Variants in PDXDC1 observed in about 807,000 individuals in gnomAD.
PDXDC1 encodes pyridoxal dependent decarboxylase domain containing 1, also known as pyridoxal-dependent decarboxylase domain-containing protein 1.
A neutral mutation model predicts 100.1 loss-of-function variants in PDXDC1; 42 were observed. The ratio of observed to expected loss-of-function variants is 0.42; its 90% CI spans 0.33 to 0.54. PDXDC1 has a LOEUF of 0.54. Among genes scored for constraint, PDXDC1 ranks in the 20% least tolerant of loss-of-function variants. The probability of loss-of-function intolerance (pLI) is 0.10; values close to 1 mark genes in which losing one functional copy is unlikely to be tolerated. For synonymous variants in PDXDC1, 260 were observed against 371.7 expected (o/e 0.70, Z 3.46); for missense variants, 636 against 979.2 (o/e 0.65, Z 4.68).
At chr16:15,030,531 G>A (rs1209384118) in intron 16 of PDXDC1, among the ~76,000 whole-genome samples, 1 of 114,488 alleles carries the variant, frequency 8.7e-6, no homozygotes, top group East Asian at 2.8e-4. Flanking sequence ...GGGGGACAGA[G>A]GAGACTCCAT....
rs62039540 is a variant in PDXDC1 at position 15,124,344 on chromosome 16, C to G, written c.1400-14535C>G. On this transcript the variant is annotated intron_variant, in intron 16 of 16. Coordinates refer to the PDXDC1 transcript ENST00000535621. ...CTCTCAGGCCTCTGGCAGCTGAAAA[C>G]CACTGCTTTAAATCCCTTTACCATT... 5.2e-3 allele frequency among the ~76,000 whole-genome samples: 799 copies of G among 152,316 alleles called. 3 individuals carry two copies. The highest frequency in any genetic ancestry group is 0.012 in the South Asian group (56 of 4,832).
intron 16 of PDXDC1, among the ~76,000 whole-genome samples, chr16:15,056,487 C>A (rs868750406): frequency 2.0e-4 from 31 of 152,210 alleles, no homozygotes; most frequent in African/African-American, 7.0e-4. Flanking sequence ...TAATAATAAA[C>A]CTAATCAGGC....
intron 14 of PDXDC1, 69 bp from the exon 15 acceptor site, chr16:15,028,809 G>A: frequency 1.0e-5 from 15 of 1,464,470 alleles, no homozygotes; most frequent in Non-Finnish European, 1.4e-5. Context: ...ATGATGTGGG[G>A]TTTGGAGGGT....
intron 16 of PDXDC1, among the ~76,000 whole-genome samples, chr16:15,093,565 T>C (rs1440125780): frequency 1.3e-5 from 2 of 152,168 alleles, no homozygotes; most frequent in Non-Finnish European, 2.9e-5. Flanking sequence ...ATAATTATTA[T>C]GAATCATATT....
chr16:15,132,875 TG>T (rs2048173815), intron 16 of PDXDC1: 1 of 1,591,194 alleles, frequency 6.3e-7, no homozygotes, highest in East Asian at 2.2e-5. Flanking sequence ...CCGCTCGTAC[TG>T]GGGCAGGCAG....
intron 12 of PDXDC1, among the ~76,000 whole-genome samples, chr16:15,021,432 C>T (rs2042198109): frequency 6.6e-6 from 1 of 152,262 alleles, no homozygotes; most frequent in Non-Finnish European, 1.5e-5. Flanking sequence ...TTTACAAAAG[C>T]ACTGCATTTT....
chr16:15,127,880 G>C, intron 16 of PDXDC1: 3 of 1,552,800 alleles, frequency 1.9e-6, no homozygotes, highest in African/African-American at 1.4e-5. Flanking sequence ...CGCCGGAAGC[G>C]CAACAGGGCT....
At chr16:15,009,851 T>C in intron 8 of PDXDC1, 92 bp downstream of exon 8, 1 of 1,604,776 alleles carries the variant, frequency 6.2e-7, no homozygotes, top group African/African-American at 1.3e-5. Context: ...AAGAAATGTG[T>C]GTGTACCACA....
downstream of PDXDC1, among the ~76,000 whole-genome samples, chr16:15,140,947 C>G (rs1485472757): frequency 6.6e-6 from 1 of 152,146 alleles, no homozygotes; most frequent in East Asian, 1.9e-4. Context: ...AGTGACCCAG[C>G]AGGTGCCTCT....
chr16:15,094,651 C>G (rs369892621), intron 16 of PDXDC1: 1 of 254,966 alleles, frequency 3.9e-6, no homozygotes, highest in East Asian at 1.5e-4. Flanking sequence ...GATTCGAACC[C>G]GGCTGACCCA....
intron 16 of PDXDC1, among the ~76,000 whole-genome samples, chr16:15,109,368 C>G (rs960763117): frequency 2.1e-5 from 3 of 144,812 alleles, no homozygotes; most frequent in African/African-American, 5.0e-5. Flanking sequence ...ACTAAAAATA[C>G]AAAAATTGGG....
At chr16:15,073,013 C>T in intron 16 of PDXDC1, 1 of 1,613,362 alleles carries the variant, frequency 6.2e-7, no homozygotes, top group South Asian at 1.1e-5. Flanking sequence ...GGGTGGGCAA[C>T]AGGAGTTTGT....
At chr16:15,149,860 C>A in the PDXDC1 span, among the ~76,000 whole-genome samples, 1 of 152,058 alleles carries the variant, frequency 6.6e-6, no homozygotes, top group African/African-American at 2.4e-5. Flanking sequence ...GCCAGGACAA[C>A]CTCTGGGACA....
downstream of PDXDC1, chr16:15,040,076 A>G: frequency 6.7e-7 from 1 of 1,491,638 alleles, no homozygotes; most frequent in Non-Finnish European, 9.3e-7. Flanking sequence ...GCTGTGAGGG[A>G]CAACAGGATG....
At chr16:15,040,512 T>A, downstream of PDXDC1, 1 of 174,918 alleles carries the variant, frequency 5.7e-6, no homozygotes, top group Non-Finnish European at 1.2e-5. Flanking sequence ...ATCAATCAAG[T>A]ATCACCGCTA....
At chr16:15,054,867 G>C (rs1705259379) in intron 16 of PDXDC1, among the ~76,000 whole-genome samples, 1 of 152,160 alleles carries the variant, frequency 6.6e-6, no homozygotes, top group African/African-American at 2.4e-5. Context: ...ATCACAAACT[G>C]TACAGCTGTG....
chr16:15,142,389 C>A (rs1034268570), downstream of PDXDC1, among the ~76,000 whole-genome samples: 1 of 152,180 alleles, frequency 6.6e-6, no homozygotes. Context: ...CCGGCCCTCA[C>A]CCCAGCCCAA....
intron 16 of PDXDC1, chr16:15,130,570 T>C (rs908085480): frequency 1.2e-5 from 17 of 1,377,072 alleles, no homozygotes; most frequent in Non-Finnish European, 1.5e-5. Context: ...ACAGGGCCTG[T>C]AACCCGGGCA....
chr16:15,063,050 C>T, intron 16 of PDXDC1: 2 of 694,966 alleles, frequency 2.9e-6, no homozygotes, highest in Non-Finnish European at 5.2e-6. Flanking sequence ...CACTGTGTTG[C>T]CCAGGCTGGT....
Sources: gnomAD v4.1 joint callset for allele counts (sites outside exome capture counted in the v4.1 genomes callset) on GRCh38, gnomAD v4.1.1 for gene constraint, MANE v1.5 for transcripts, NCBI Gene and HGNC (gene_info 2026-07-23, HGNC 2026-07-21) for gene names.